Variants in CTSE observed in about 807,000 individuals in gnomAD.
CTSE encodes the protein cathepsin E.
A neutral mutation model predicts 42.8 loss-of-function variants in CTSE; 43 were observed. The observed-to-expected ratio is 1.01, with a 90% CI of 0.79 to 1.30. The LOEUF (loss-of-function observed/expected upper bound fraction) is 1.30, where lower values mean the gene tolerates loss of function less well. Ranked by LOEUF, CTSE falls within the 50% of genes most tolerant of loss-of-function variation. CTSE has a pLI of 0.00. For missense variants in CTSE, 532 were observed against 493.5 expected (o/e 1.08, Z -0.74); for synonymous variants, 205 against 191.5 (o/e 1.07, Z -0.58).
At chr1:206,022,467 C>A (rs1661468927) in intron 2 of CTSE, among the ~76,000 whole-genome samples, 200 bp from the exon 3 acceptor site, 1 of 152,038 alleles carries the variant, frequency 6.6e-6, no homozygotes, top group African/African-American at 2.4e-5. Flanking sequence ...GAAATCAAAC[C>A]AAGCCTCTGG....
intron 4 of CTSE, among the ~76,000 whole-genome samples, chr1:206,017,729 G>A (rs558688849): frequency 2.0e-5 from 3 of 151,940 alleles, no homozygotes; most frequent in South Asian, 2.1e-4. Flanking sequence ...CACCTGCCTC[G>A]GCCTCCCAAA....
intron 4 of CTSE, among the ~76,000 whole-genome samples, chr1:206,019,676 A>T (rs1423789636): frequency 1.3e-5 from 2 of 148,364 alleles, no homozygotes; most frequent in Non-Finnish European, 3.0e-5. Context: ...TTTAACTTTT[A>T]TATATATATT....
intron 8 of CTSE, among the ~76,000 whole-genome samples, chr1:206,011,977 T>C (rs1252733990): frequency 6.6e-6 from 1 of 152,148 alleles, no homozygotes; most frequent in Admixed American, 6.5e-5. Flanking sequence ...ACCTATAAAA[T>C]GAGATAGTAA....
At position 206,023,791 on chromosome 1, in the gene CTSE, TTG is replaced by T; in HGVS notation, c.-2_-1del. ...AGCAGCAAAAGAAGGAGCGTTTTCA[TTG>T]TGAGTCCGACCAGCAGCTTCTCCCT... On this transcript the variant is annotated 5_prime_UTR_variant, in exon 1 of 9. Coordinates refer to ENST00000358184, the MANE Select transcript of CTSE (RefSeq NM_001910.4). 1 of 1,613,468 alleles carries T rather than the reference TTG, an allele frequency of 6.2e-7. No individual in the cohort carries two copies. The highest frequency in any genetic ancestry group is 1.1e-5 in the South Asian group (1 of 91,052).
At chr1:206,022,563 C>T (rs566415716) in intron 2 of CTSE, among the ~76,000 whole-genome samples, 1 of 152,174 alleles carries the variant, frequency 6.6e-6, no homozygotes, top group South Asian at 2.1e-4. Context: ...ATCTGTTTTA[C>T]AGACCAGGGA....
intron 4 of CTSE, among the ~76,000 whole-genome samples, chr1:206,017,802 T>C (rs536932422): frequency 6.6e-6 from 1 of 152,204 alleles, no homozygotes; most frequent in African/African-American, 2.4e-5. Flanking sequence ...TATGTTGACC[T>C]CATATCCAGC....
chr1:206,014,032 C>A, intron 5 of CTSE, 138 bp from the exon 6 acceptor site: 7 of 903,802 alleles, frequency 7.7e-6, no homozygotes, highest in Non-Finnish European at 1.2e-5. Flanking sequence ...GCTTTGAGAC[C>A]GGGACTCTGA....
Position 206,022,208 on chromosome 1 carries a change from G to C in CTSE, c.285C>G (p.Phe95Leu). The change falls in exon 3 of 9, where the codon TTC (phenylalanine) becomes TTG (leucine). Residue 95 changes from phenylalanine to leucine, a missense_variant. Physicochemically the swap from Phe to Leu is conservative, Grantham distance 22. Transcript: ENST00000358184. ...GSPPQNFTVI[F>L]DTGSSNLWVP... ...CCCAGAGGTTGGAGGAGCCAGTGTC[G>C]AAGATGACAGTGAAGTTCTGTGGTG... 2 of 1,613,208 alleles carry C rather than the reference G, an allele frequency of 1.2e-6. No individual in the cohort carries two copies. Among genetic ancestry groups the C allele is most frequent in the Non-Finnish European group, 1.7e-6 (2 of 1,179,444 alleles).
intron 2 of CTSE, 145 bp downstream of exon 2, chr1:206,022,756 A>G: frequency 1.3e-6 from 1 of 786,180 alleles, no homozygotes; most frequent in Non-Finnish European, 1.9e-6. Context: ...ATGGGGACCC[A>G]GGGAATCAGT....
intron 4 of CTSE, 87 bp downstream of exon 4, chr1:206,020,962 T>C (rs1553278275): frequency 1.0e-6 from 1 of 995,990 alleles, no homozygotes; most frequent in Non-Finnish European, 1.6e-6. Flanking sequence ...TTCCACCCAT[T>C]CCTGAGGCAG....
chr1:206,017,185 G>A (rs1471634779), intron 4 of CTSE, among the ~76,000 whole-genome samples: 1 of 151,946 alleles, frequency 6.6e-6, no homozygotes, highest in Non-Finnish European at 1.5e-5. Flanking sequence ...AGTAGCTGAT[G>A]GTTTTGATAG....
intron 8 of CTSE, among the ~76,000 whole-genome samples, chr1:206,012,033 T>C (rs1015455088): frequency 1.3e-5 from 2 of 152,062 alleles, no homozygotes. Context: ...ACTTTGTCAG[T>C]GGAAAAGCCC....
chr1:206,021,609 T>A (rs1020832204), intron 3 of CTSE, among the ~76,000 whole-genome samples: 1 of 152,038 alleles, frequency 6.6e-6, no homozygotes, highest in South Asian at 2.1e-4. Context: ...GGACTTGTCC[T>A]GTATCGAACA....
At chr1:206,012,904 T>G (rs1012764105) in intron 6 of CTSE, among the ~76,000 whole-genome samples, 1 of 152,110 alleles carries the variant, frequency 6.6e-6, no homozygotes, top group African/African-American at 2.4e-5. Flanking sequence ...GTCTAAAAAA[T>G]GTAGGTGTCT....
chr1:206,017,594 GTTC>G (rs1369864925), intron 4 of CTSE, among the ~76,000 whole-genome samples: 1 of 151,948 alleles, frequency 6.6e-6, no homozygotes, highest in Non-Finnish European at 1.5e-5. Flanking sequence ...GGTTCAAGCA[GTTC>G]TTCTGCCTCA....
Position 206,009,783 on chromosome 1 carries a change from TAAACAGGC to T in CTSE, c.*392_*399del. ...AGAGAGGAGTGGGCAGCAGTGTAGA[TAAACAGGC>T]CTGGCCGTGTGTGGATGGGTTGTCA... On this transcript the variant is annotated 3_prime_UTR_variant, in exon 9 of 9. Coordinates refer to ENST00000358184, the MANE Select transcript of CTSE (RefSeq NM_001910.4). The T allele has an allele frequency of 2.6e-5, 6 of 228,080 alleles. No homozygotes were observed. Among genetic ancestry groups the T allele is most frequent in the South Asian group, 1.3e-4 (2 of 15,672 alleles). The allele number at this position is 228,080 out of a possible 1,614,324, so 14.1% of individuals were successfully genotyped here. A position where few individuals can be genotyped will look rare whatever the true frequency, so the allele number is the denominator to read the frequency against.
At chr1:206,019,093 C>T (rs1553278019) in intron 4 of CTSE, among the ~76,000 whole-genome samples, 2 of 152,042 alleles carry the variant, frequency 1.3e-5, no homozygotes, top group South Asian at 2.1e-4. Flanking sequence ...TTTCACATGT[C>T]ATATCTTTAT....
At chr1:206,023,401 T>C (rs1661509467) in intron 1 of CTSE, among the ~76,000 whole-genome samples, 1 of 151,802 alleles carries the variant, frequency 6.6e-6, no homozygotes, top group Admixed American at 6.6e-5. Flanking sequence ...TTGGGGACAG[T>C]GATGGTCAGT....
intron 1 of CTSE, 40 bp from the exon 2 acceptor site, chr1:206,023,097 G>T (rs782708033): frequency 7.3e-7 from 1 of 1,364,670 alleles, no homozygotes; most frequent in South Asian, 1.1e-5. Flanking sequence ...ATGTACTTCT[G>T]CCTCCCTCTT....
Sources: gnomAD v4.1 joint callset for allele counts (sites outside exome capture counted in the v4.1 genomes callset) on GRCh38, gnomAD v4.1.1 for gene constraint, MANE v1.5 for transcripts, NCBI Gene and HGNC (gene_info 2026-07-23, HGNC 2026-07-21) for gene names.